The following TOP6BL variants were observed in gnomAD, a reference collection of about 807,000 sequenced individuals.
TOP6BL encodes the protein TOP6B like initiator of meiotic double strand breaks.
the TOP6BL span, among the ~76,000 whole-genome samples, chr11:66,789,225 C>T: frequency 6.6e-6 from 1 of 152,180 alleles, no homozygotes; most frequent in Non-Finnish European, 1.5e-5. Context: ...TTAAAAGTGA[C>T]TCCCAGTGCA....
chr11:66,805,976 A>C, the TOP6BL span, among the ~76,000 whole-genome samples: 1 of 152,340 alleles, frequency 6.6e-6, no homozygotes, highest in South Asian at 2.1e-4. Context: ...TTAATAGCAG[A>C]TTTAGGAGAT....
At chr11:66,768,939 A>G in the TOP6BL span, among the ~76,000 whole-genome samples, 4 of 152,234 alleles carry the variant, frequency 2.6e-5, no homozygotes, top group African/African-American at 9.6e-5. Context: ...TTTATTCAGC[A>G]GCCCATGAGA....
the TOP6BL span, among the ~76,000 whole-genome samples, chr11:66,794,670 G>A: frequency 1.3e-5 from 2 of 152,108 alleles, no homozygotes; most frequent in East Asian, 3.8e-4. Context: ...TATTTGTAGG[G>A]AAGTGTTTGT....
At chr11:66,843,401 T>A in the TOP6BL span, 4 of 1,426,650 alleles carry the variant, frequency 2.8e-6, no homozygotes, top group South Asian at 1.5e-5. Flanking sequence ...CGGCCTGACG[T>A]CACCCACACC....
At chr11:66,842,238 G>T in the TOP6BL span, among the ~76,000 whole-genome samples, 1 of 152,156 alleles carries the variant, frequency 6.6e-6, no homozygotes, top group Non-Finnish European at 1.5e-5. Flanking sequence ...ATCTCCTCAT[G>T]GAAACCCTTC....
At chr11:66,798,613 A>C in the TOP6BL span, among the ~76,000 whole-genome samples, 1 of 151,214 alleles carries the variant, frequency 6.6e-6, no homozygotes, top group Non-Finnish European at 1.5e-5. Context: ...AAAAAAAAAA[A>C]AAAAAAAAGT....
At chr11:66,783,315 A>G in the TOP6BL span, among the ~76,000 whole-genome samples, 1 of 152,170 alleles carries the variant, frequency 6.6e-6, no homozygotes, top group South Asian at 2.1e-4. Flanking sequence ...GTGAGCTATG[A>G]TCACCCCACT....
the TOP6BL span, among the ~76,000 whole-genome samples, chr11:66,752,313 A>G: frequency 1.3e-5 from 2 of 152,124 alleles, no homozygotes; most frequent in Non-Finnish European, 2.9e-5. Flanking sequence ...CTAAGCCAGA[A>G]TTCATTTTTC....
At chr11:66,765,953 A>T in the TOP6BL span, among the ~76,000 whole-genome samples, 1 of 152,188 alleles carries the variant, frequency 6.6e-6, no homozygotes, top group Non-Finnish European at 1.5e-5. Flanking sequence ...ATTATTTAGA[A>T]TTTCTGACAC....
chr11:66,830,244 A>G, the TOP6BL span, among the ~76,000 whole-genome samples: 4 of 152,246 alleles, frequency 2.6e-5, no homozygotes, highest in Non-Finnish European at 4.4e-5. Flanking sequence ...CAAAATCAAT[A>G]AAAGAAAGCT....
chr11:66,786,187 A>G, the TOP6BL span, among the ~76,000 whole-genome samples: 1 of 152,008 alleles, frequency 6.6e-6, no homozygotes, highest in Non-Finnish European at 1.5e-5. Flanking sequence ...GATCCTACTT[A>G]CTCAGGAGGC....
At chr11:66,808,455 G>A in the TOP6BL span, among the ~76,000 whole-genome samples, 3 of 152,104 alleles carry the variant, frequency 2.0e-5, no homozygotes, top group South Asian at 2.1e-4. Flanking sequence ...TTGAGCACAG[G>A]AGGTCAGGAC....
the TOP6BL span, chr11:66,803,902 A>T: frequency 1.0e-6 from 1 of 1,003,464 alleles, no homozygotes; most frequent in Non-Finnish European, 1.5e-6. Flanking sequence ...GGTTGTACAT[A>T]TGCTAGAGGT....
the TOP6BL span, among the ~76,000 whole-genome samples, chr11:66,805,636 G>C: frequency 6.6e-6 from 1 of 151,970 alleles, no homozygotes; most frequent in Non-Finnish European, 1.5e-5. Flanking sequence ...TGCATTTTTG[G>C]TAGAGACAGA....
At chr11:66,793,180 G>A in the TOP6BL span, among the ~76,000 whole-genome samples, 1 of 151,654 alleles carries the variant, frequency 6.6e-6, no homozygotes, top group Non-Finnish European at 1.5e-5. Context: ...CTCCATTCCA[G>A]GTTCAAGTGA....
At chr11:66,768,692 A>G in the TOP6BL span, among the ~76,000 whole-genome samples, 1 of 137,970 alleles carries the variant, frequency 7.2e-6, no homozygotes, top group Admixed American at 7.3e-5. Flanking sequence ...TTGCTTCCTT[A>G]ATATTTCTTT....
At chr11:66,825,351 C>T in the TOP6BL span, among the ~76,000 whole-genome samples, 18 of 150,968 alleles carry the variant, frequency 1.2e-4, no homozygotes, top group Admixed American at 9.9e-4. Context: ...ATTAGCCAGG[C>T]GTGGTGGCAG....
chr11:66,821,813 T>C, the TOP6BL span: 85 of 1,598,566 alleles, frequency 5.3e-5, no homozygotes, highest in Middle Eastern at 1.7e-4. Flanking sequence ...AAGAAAAAGA[T>C]AGCAAGCATA....
chr11:66,786,256 C>T, the TOP6BL span, among the ~76,000 whole-genome samples: 3 of 151,788 alleles, frequency 2.0e-5, no homozygotes, highest in Admixed American at 2.0e-4. Flanking sequence ...CAAGATCATG[C>T]TACTGCACTG....
Sources: gnomAD v4.1 joint callset for allele counts (sites outside exome capture counted in the v4.1 genomes callset) on GRCh38, gnomAD v4.1.1 for gene constraint, MANE v1.5 for transcripts, NCBI Gene and HGNC (gene_info 2026-07-23, HGNC 2026-07-21) for gene names.